Variants in ZFYVE26 observed in about 807,000 individuals in gnomAD.
The protein encoded by ZFYVE26 is zinc finger FYVE domain-containing protein 26.
Under a neutral mutation model 276.5 loss-of-function variants are expected in ZFYVE26, and 181 were observed. The observed-to-expected ratio is 0.65, with a 90% CI of 0.58 to 0.74. The LOEUF is 0.74. Among genes scored for constraint, ZFYVE26 ranks in the 30% least tolerant of loss-of-function variants. The probability of loss-of-function intolerance (pLI) is 0.00; values close to 1 mark genes in which losing one functional copy is unlikely to be tolerated. For missense variants in ZFYVE26, 2,821 were observed against 3,097.9 expected, an observed-to-expected ratio of 0.91 and a Z score of 2.12; for synonymous variants, 1,129 against 1,203.1, an observed-to-expected ratio of 0.94 and a Z score of 1.27.
intron 30 of ZFYVE26, 53 bp downstream of exon 30, chr14:67,768,464 A>G (rs943063263): frequency 5.7e-6 from 9 of 1,587,688 alleles, no homozygotes; most frequent in Admixed American, 3.3e-5. Context: ...CTGAAGATAG[A>G]GTCAACTTAA....
chr14:67,779,045 G>A (rs2039426832), intron 23 of ZFYVE26, among the ~76,000 whole-genome samples: 1 of 152,148 alleles, frequency 6.6e-6, no homozygotes, highest in Admixed American at 6.5e-5. Flanking sequence ...ATCTACCACA[G>A]TGATTGGCAA....
rs2140162639 is a variant in ZFYVE26, at chr14:67,733,812, T to C, written n.2680-3993A>G. The C allele has an allele frequency of 6.2e-7, 1 of 1,613,340 alleles. No homozygotes were observed. Among genetic ancestry groups the C allele is most frequent in the South Asian group, 1.1e-5 (1 of 91,068 alleles). On this transcript the variant is annotated intron_variant and non_coding_transcript_variant, in intron 13 of 14. Transcript: ENST00000394455. ...ACAAAACAGCTGAGCGCCTATGGAATGTCAGCTGTGAGCTTCTAGGAATCC... is the reference window on the plus strand; with the variant it reads ...ACAAAACAGCTGAGCGCCTATGGAACGTCAGCTGTGAGCTTCTAGGAATCC...
chr14:67,789,322 A>T lies in ZFYVE26; in HGVS notation c.3019+13T>A, dbSNP rs1254491930. On this transcript the variant is annotated intron_variant, in intron 16 of 41. Coordinates refer to ENST00000347230, the MANE Select transcript of ZFYVE26 (RefSeq NM_015346.4). ...TTGAGAATGAAGGGATACAGCTAAC[A>T]CAGCACACTCACCCCGCCTTTCAAG... 3 of 1,614,038 alleles carry T rather than the reference A, an allele frequency of 1.9e-6. No homozygotes were observed. Among genetic ancestry groups the T allele is most frequent in the Non-Finnish European group, 2.5e-6 (3 of 1,180,036 alleles).
In ZFYVE26 at chr14:67,789,734, C is replaced by A. The variant is rs530246687; in HGVS notation, c.2756-136G>T. ...TATCTTTCATGTATATTAGCACTAT[C>A]ATTATGGCCCACTCTTATAGCTTCA... On this transcript the variant is annotated intron_variant, in intron 15 of 41. Coordinates refer to ENST00000347230, the MANE Select transcript of ZFYVE26 (RefSeq NM_015346.4). 51 of 1,116,234 alleles carry A rather than the reference C, an allele frequency of 4.6e-5. No individual in the cohort carries two copies. The Admixed American group carries it at 1.0e-3, about 22-fold the overall frequency. The allele number at this position is 1,116,234 out of a possible 1,614,324, so 69.1% of individuals were successfully genotyped here.
intron 19 of ZFYVE26, 31 bp downstream of exon 19, chr14:67,785,028 A>G: frequency 6.2e-7 from 1 of 1,611,030 alleles, no homozygotes; most frequent in Admixed American, 1.7e-5. Flanking sequence ...CAGGTCTGCC[A>G]TGAATCTATT....
intron 29 of ZFYVE26, among the ~76,000 whole-genome samples, chr14:67,769,083 C>T (rs1436393866): frequency 1.3e-5 from 2 of 152,128 alleles, no homozygotes; most frequent in Non-Finnish European, 1.5e-5. Flanking sequence ...TGATCTGTCT[C>T]GCCAGAGGTA....
At chr14:67,735,231 C>A (rs2038338072) in intron 13 of ZFYVE26, 9 of 1,437,642 alleles carry the variant, frequency 6.3e-6, no homozygotes, top group Non-Finnish European at 8.8e-6. Flanking sequence ...TGTTCAGGTG[C>A]TCCCACGAGA....
chr14:67,777,416 T>C, intron 25 of ZFYVE26, 143 bp downstream of exon 25: 1 of 1,338,810 alleles, frequency 7.5e-7, no homozygotes, highest in Non-Finnish European at 1.1e-6. Flanking sequence ...GGCAGGTGCC[T>C]GGCAAAAGAG....
At chr14:67,794,356 CTA>C (rs1284975180) in intron 12 of ZFYVE26, 117 bp from the exon 13 acceptor site, 7 of 986,106 alleles carry the variant, frequency 7.1e-6, no homozygotes, top group Non-Finnish European at 1.1e-5. Flanking sequence ...TAATGAATAA[CTA>C]TGACACCTGC....
rs759513333 is a variant in ZFYVE26, at chr14:67,790,610, C to T, written c.2717G>A (p.Arg906His). Reference protein sequence around the residue: ...SSTIRRTGSGRSTLQAIGSAA... With the variant: ...SSTIRRTGSGHSTLQAIGSAA... ...GCTGCCAATGGCCTGTAGAGTTGAG[C>T]GGCCACTGCCAGTTCTCCGAATGGT... Residue 906 changes from arginine to histidine, a missense_variant, in exon 15 of 42, where the codon CGC (arginine) becomes CAC (histidine). Coordinates refer to ENST00000347230, the MANE Select transcript of ZFYVE26 (RefSeq NM_015346.4). 16 of 1,613,906 alleles carry T rather than the reference C, an allele frequency of 9.9e-6. No homozygotes were observed. The highest frequency in any genetic ancestry group is 5.3e-5 in the African/African-American group (4 of 74,936).
intron 12 of ZFYVE26, chr14:67,797,045 A>G (rs186692671): frequency 2.9e-4 from 45 of 153,138 alleles, no homozygotes; most frequent in African/African-American, 1.1e-3. Context: ...ACAATTATAA[A>G]TATAAGGAAT....
At chr14:67,803,988 A>G in intron 9 of ZFYVE26, 113 bp downstream of exon 9, 2 of 1,450,252 alleles carry the variant, frequency 1.4e-6, no homozygotes, top group Non-Finnish European at 1.9e-6. Context: ...AGACCTCCTC[A>G]CCACCCTCTT....
At chr14:67,815,597 G>C (rs1034675320) in intron 2 of ZFYVE26, 173 bp downstream of exon 2, 6 of 687,070 alleles carry the variant, frequency 8.7e-6, no homozygotes, top group African/African-American at 5.3e-5. Flanking sequence ...AGCCAATATT[G>C]ACTAAGTAAT....
intron 22 of ZFYVE26, 80 bp downstream of exon 22, chr14:67,781,252 GT>G: frequency 6.6e-7 from 1 of 1,511,294 alleles, no homozygotes; most frequent in Non-Finnish European, 9.1e-7. Context: ...CTTTCTTAAA[GT>G]CCCCCATCAT....
chr14:67,758,899 T>A (rs971978385), intron 35 of ZFYVE26, among the ~76,000 whole-genome samples: 7 of 152,138 alleles, frequency 4.6e-5, no homozygotes, highest in Non-Finnish European at 1.0e-4. Context: ...CCTCCCAATG[T>A]GCTGGGATCA....
chr14:67,761,579 A>C lies in ZFYVE26; in HGVS notation c.6375T>G (p.Asp2125Glu). 6.2e-7 allele frequency: 1 copy of C among 1,614,070 alleles called. No homozygotes were observed. The highest frequency in any genetic ancestry group is 8.5e-7 in the Non-Finnish European group (1 of 1,179,978). ...CCCTCAGGGTGGCAAAGTAATCGTC[A>C]TCTTGCTGACAGCACAGGGAGCGAG... is the stretch of plus-strand genomic sequence containing the variant. ...STVRPFVSLQ[D>E]DDYFATLREL... The change falls in exon 35 of 42, where the codon GAT (aspartate) becomes GAG (glutamate). Residue 2125 changes from aspartate to glutamate, a missense_variant. Coordinates refer to ENST00000347230, the MANE Select transcript of ZFYVE26 (RefSeq NM_015346.4).
At chr14:67,813,928 A>G (rs2040349059) in intron 3 of ZFYVE26, 58 bp downstream of exon 3, 2 of 1,200,834 alleles carry the variant, frequency 1.7e-6, no homozygotes, top group South Asian at 1.2e-5. Flanking sequence ...TCCCACAACT[A>G]CTTTCAAGTT....
Position 67,748,337 on chromosome 14 carries a change from G to T in ZFYVE26, c.*99C>A. On this transcript the variant is annotated 3_prime_UTR_variant, in exon 42 of 42. Coordinates refer to ENST00000347230, the MANE Select transcript of ZFYVE26 (RefSeq NM_015346.4). ...CTCTTTCCAACCTAGGGCAGAGCCAGAGAAGTCCCACTCCACTGGAGGAAA... is the reference window on the plus strand; with the variant it reads ...CTCTTTCCAACCTAGGGCAGAGCCATAGAAGTCCCACTCCACTGGAGGAAA... 1 of 1,369,726 alleles carries T rather than the reference G, an allele frequency of 7.3e-7. No homozygotes were observed. Among genetic ancestry groups the T allele is most frequent in the Non-Finnish European group, 1.0e-6 (1 of 996,188 alleles). The allele number at this position is 1,369,726 out of a possible 1,614,324, so 84.8% of individuals were successfully genotyped here.
intron 19 of ZFYVE26, 131 bp downstream of exon 19, chr14:67,784,928 G>A: frequency 1.0e-6 from 1 of 967,960 alleles, no homozygotes; most frequent in African/African-American, 1.6e-5. Flanking sequence ...AATAAGAGAG[G>A]ACAACCTTAT....
Sources: gnomAD v4.1 joint callset for allele counts (sites outside exome capture counted in the v4.1 genomes callset) on GRCh38, gnomAD v4.1.1 for gene constraint, MANE v1.5 for transcripts, NCBI Gene and HGNC (gene_info 2026-07-23, HGNC 2026-07-21) for gene names.